UBASH3B: variants seen among roughly 807,000 people sequenced by gnomAD.
The protein encoded by UBASH3B is ubiquitin associated and SH3 domain containing B, also known as ubiquitin-associated and SH3 domain-containing protein B.
UBASH3B carries 37 observed loss-of-function variants against 83.4 expected under a neutral mutation model. The ratio of observed to expected loss-of-function variants is 0.44; its 90% CI spans 0.34 to 0.58. UBASH3B has a LOEUF of 0.58. UBASH3B is among the 20% of genes least tolerant of loss of function. The probability of loss-of-function intolerance (pLI) is 0.01; values close to 1 mark genes in which losing one functional copy is unlikely to be tolerated. For synonymous variants in UBASH3B, 304 were observed against 318.3 expected, an observed-to-expected ratio of 0.96 and a Z score of 0.48; for missense variants, 657 against 827.2, an observed-to-expected ratio of 0.79 and a Z score of 2.52.
chr11:122,811,782 G>A lies in UBASH3B; in HGVS notation c.*1896G>A, dbSNP rs1013046841. The A allele has an allele frequency of 1.3e-5, 2 of 152,138 alleles. No individual in the cohort carries two copies. The highest frequency in any genetic ancestry group is 2.9e-5 in the Non-Finnish European group (2 of 68,028). 9.4% of individuals were successfully genotyped at this position (152,138 alleles called of 1,614,324 possible). A position where few individuals can be genotyped will look rare whatever the true frequency, so the allele number is the denominator to read the frequency against. On this transcript the variant is annotated 3_prime_UTR_variant, in exon 14 of 14. Coordinates refer to ENST00000284273, the MANE Select transcript of UBASH3B (RefSeq NM_032873.5). Reference sequence around the variant, plus strand: ...TGATGATGTGTTAATATAAAATGTTGGGAGGGAATATTCCCAATAAAGGTC... The same window carrying A: ...TGATGATGTGTTAATATAAAATGTTAGGAGGGAATATTCCCAATAAAGGTC...
rs756250615 is a variant in UBASH3B, at chr11:122,796,165, G to A, written c.1123G>A (p.Val375Ile). ...CTTTCTTTCTCTGCAGCCGCTGAGG[G>A]TCAACAGCCAGCCCGGCCCCCAGAA... Reference protein sequence around the residue: ...IICQPMQPLRVNSQPGPQKRC... With the variant: ...IICQPMQPLRINSQPGPQKRC... Residue 375 changes from valine to isoleucine, a missense_variant, in exon 8 of 14, where the codon GTC becomes ATC. This residue lies in a region of UBASH3B where 573 missense variants were observed against 739.0 expected (regional missense o/e 0.78). Coordinates refer to ENST00000284273, the MANE Select transcript of UBASH3B (RefSeq NM_032873.5). 1 of 1,614,056 alleles carries A rather than the reference G, an allele frequency of 6.2e-7. No homozygotes were observed.
chr11:122,677,921 A>G (rs1191656785), intron 1 of UBASH3B, among the ~76,000 whole-genome samples: 1 of 152,076 alleles, frequency 6.6e-6, no homozygotes, highest in Non-Finnish European at 1.5e-5. Flanking sequence ...ACAGGTGCCC[A>G]CCACCACACC....
At chr11:122,765,108 A>T (rs1026096824) in intron 1 of UBASH3B, among the ~76,000 whole-genome samples, 2 of 149,692 alleles carry the variant, frequency 1.3e-5, no homozygotes, top group African/African-American at 2.5e-5. Flanking sequence ...TCATGTCTAG[A>T]CTTGCACCCA....
rs181231128 is a variant in UBASH3B at position 122,730,329 on chromosome 11, G to A, written c.162-45890G>A. Among the ~76,000 whole-genome samples, 533 of 152,230 alleles carry A rather than the reference G, an allele frequency of 3.5e-3. 4 individuals are homozygous for A. The highest frequency in any genetic ancestry group is 5.4e-3 in the Non-Finnish European group (366 of 68,004). ...GTCCTTGAACAATTGCACTCACATT[G>A]TGGGGAGGTTCCCGCCTTTCCATGT... On this transcript the variant is annotated intron_variant, in intron 1 of 13. Transcript: ENST00000284273.
chr11:122,717,750 T>G (rs1481304494), intron 1 of UBASH3B, among the ~76,000 whole-genome samples: 1 of 152,152 alleles, frequency 6.6e-6, no homozygotes, highest in Non-Finnish European at 1.5e-5. Context: ...GTGGCAGTTC[T>G]ATAACTCTGA....
At chr11:122,744,920 C>G (rs1403756337) in intron 1 of UBASH3B, among the ~76,000 whole-genome samples, 1 of 108,728 alleles carries the variant, frequency 9.2e-6, no homozygotes, top group Admixed American at 9.0e-5. Context: ...CGCACTTGGG[C>G]ACGTGAGTGT....
chr11:122,716,283 C>T (rs541412619), intron 1 of UBASH3B, among the ~76,000 whole-genome samples: 2 of 152,374 alleles, frequency 1.3e-5, no homozygotes, highest in Admixed American at 1.3e-4. Flanking sequence ...TGTGGTCCTT[C>T]TGCCTCAACC....
At chr11:122,724,299 T>G (rs1255411631) in intron 1 of UBASH3B, among the ~76,000 whole-genome samples, 2 of 152,160 alleles carry the variant, frequency 1.3e-5, no homozygotes, top group Non-Finnish European at 2.9e-5. Context: ...GAGGAGCAGA[T>G]GAATTATTAT....
chr11:122,693,087 G>A (rs1349827005), intron 1 of UBASH3B, among the ~76,000 whole-genome samples: 1 of 151,832 alleles, frequency 6.6e-6, no homozygotes. Flanking sequence ...GGGGAGAATG[G>A]CAAAGAACCT....
intron 1 of UBASH3B, among the ~76,000 whole-genome samples, chr11:122,729,975 TAAAAAAAA>T (rs34778631): frequency 2.5e-4 from 7 of 27,944 alleles, no homozygotes; most frequent in African/African-American, 7.1e-4. Context: ...AGACCCTATC[TAAAAAAAA>T]AAAAAAAAAA....
chr11:122,710,151 C>T (rs1864172763), intron 1 of UBASH3B, among the ~76,000 whole-genome samples: 2 of 114,740 alleles, frequency 1.7e-5, no homozygotes, highest in Non-Finnish European at 1.7e-5. Context: ...GTGAGACTGT[C>T]TCAAAAAAAA....
intron 1 of UBASH3B, among the ~76,000 whole-genome samples, chr11:122,742,213 AC>A (rs1441543715): frequency 6.6e-6 from 1 of 152,176 alleles, no homozygotes; most frequent in Non-Finnish European, 1.5e-5. Context: ...GGTCGGGAGA[AC>A]CTTTTTAGAA....
At chr11:122,748,910 T>G (rs559437543) in intron 1 of UBASH3B, among the ~76,000 whole-genome samples, 38 of 152,362 alleles carry the variant, frequency 2.5e-4, no homozygotes, top group African/African-American at 8.9e-4. Context: ...CTTTCTTTTT[T>G]TTAAATTAAT....
intron 1 of UBASH3B, among the ~76,000 whole-genome samples, chr11:122,752,304 C>T (rs1035167033): frequency 2.0e-5 from 3 of 152,104 alleles, no homozygotes; most frequent in Admixed American, 6.5e-5. Context: ...GGAGATAAGA[C>T]ACACAAAACA....
chr11:122,657,654 G>C (rs895478239), intron 1 of UBASH3B, among the ~76,000 whole-genome samples: 19 of 152,144 alleles, frequency 1.2e-4, no homozygotes, highest in African/African-American at 4.1e-4. Context: ...AATCAAAGTA[G>C]ACCCTTGAAT....
chr11:122,698,423 A>C (rs915961553), intron 1 of UBASH3B, among the ~76,000 whole-genome samples: 5 of 152,106 alleles, frequency 3.3e-5, no homozygotes, highest in Admixed American at 6.5e-5. Context: ...TGAATTTTAC[A>C]TTTTCTCCCC....
chr11:122,680,194 G>A (rs908517298), intron 1 of UBASH3B, among the ~76,000 whole-genome samples: 2 of 152,244 alleles, frequency 1.3e-5, no homozygotes, highest in African/African-American at 4.8e-5. Context: ...AAAAGCAGGA[G>A]GTGGGCTGGT....
intron 1 of UBASH3B, among the ~76,000 whole-genome samples, chr11:122,688,277 C>T (rs538996029): frequency 6.6e-6 from 1 of 151,836 alleles, no homozygotes; most frequent in East Asian, 1.9e-4. Flanking sequence ...TCCTCCCCTT[C>T]CTTCCTCCCT....
chr11:122,741,733 C>G (rs192036096), intron 1 of UBASH3B, among the ~76,000 whole-genome samples: 1 of 152,152 alleles, frequency 6.6e-6, no homozygotes, highest in African/African-American at 2.4e-5. Flanking sequence ...GCCCCAGAAA[C>G]GTGAACTTTC....
Sources: gnomAD v4.1 joint callset for allele counts (sites outside exome capture counted in the v4.1 genomes callset) on GRCh38, gnomAD v4.1.1 for gene constraint, gnomAD v4.1.1 regional missense constraint, MANE v1.5 for transcripts, NCBI Gene and HGNC (gene_info 2026-07-23, HGNC 2026-07-21) for gene names.